The following MED4 variants were observed in gnomAD, a reference collection of about 807,000 sequenced individuals.
The protein encoded by MED4 is mediator of RNA polymerase II transcription subunit 4.
A neutral mutation model predicts 35.0 loss-of-function variants in MED4; 21 were observed. That is an observed-to-expected ratio of 0.60 (90% CI 0.43 to 0.86). The LOEUF is 0.86. Among genes scored for constraint, MED4 ranks in the 40% least tolerant of loss-of-function variants. MED4 has a pLI of 0.00. For synonymous variants in MED4, 138 were observed against 114.0 expected (o/e 1.21, Z -1.34); for missense variants, 300 against 319.4 (o/e 0.94, Z 0.46).
intron 6 of MED4, among the ~76,000 whole-genome samples, chr13:48,078,657 G>A (rs560663415): frequency 3.9e-5 from 6 of 152,204 alleles, no homozygotes; most frequent in East Asian, 1.9e-4. Context: ...TGAGAGTATC[G>A]GCCTTGGGAT....
intron 5 of MED4, among the ~76,000 whole-genome samples, chr13:48,080,579 T>C (rs1222174551): frequency 6.6e-6 from 1 of 152,024 alleles, no homozygotes; most frequent in Non-Finnish European, 1.5e-5. Context: ...ACATTCCAGA[T>C]GACAACTTAA....
rs1481475473 is a variant in MED4, at chr13:48,086,402, T to C, written c.243A>G (p.Lys81=). ...GAATTTTTCCCTGATTAAGTGCCAA[T>C]TTCATTAGTTCTTGAAATTCCCCAT... is the stretch of plus-strand genomic sequence containing the variant. ...HRDGEFQELM[K]LALNQGKIHH... is the part of the protein sequence containing the mutation. Residue 81 remains lysine, a synonymous_variant, in exon 3 of 7, where the codon AAA becomes AAG. Transcript: ENST00000258648. 6 of 1,613,806 alleles carry C rather than the reference T, an allele frequency of 3.7e-6. No homozygotes were observed. The highest frequency in any genetic ancestry group is 5.1e-6 in the Non-Finnish European group (6 of 1,179,898).
In MED4 at chr13:48,081,831, T is replaced by C. The variant is rs1463714324; in HGVS notation, c.422-100A>G. The C allele has an allele frequency of 2.2e-5, 14 of 625,486 alleles. No individual in the cohort carries two copies. The East Asian group carries it at 4.7e-4, about 21-fold the overall frequency. 38.7% of individuals were successfully genotyped at this position (625,486 alleles called of 1,614,324 possible). A position where few individuals can be genotyped will look rare whatever the true frequency, so the allele number is the denominator to read the frequency against. On this transcript the variant is annotated intron_variant, in intron 4 of 6. Coordinates refer to ENST00000258648, the MANE Select transcript of MED4 (RefSeq NM_014166.4). ...ACACATCGTATTTAATTTTAAATTA[T>C]CTGAAAATAAAATAATCTCAGTCAC...
At chr13:48,078,022 T>C (rs914413582) in intron 6 of MED4, among the ~76,000 whole-genome samples, 1 of 152,186 alleles carries the variant, frequency 6.6e-6, no homozygotes, top group South Asian at 2.1e-4. Flanking sequence ...GATTTCTTGA[T>C]AGAGGAACTG....
At chr13:48,082,744 G>A (rs925266135) in intron 4 of MED4, among the ~76,000 whole-genome samples, 7 of 149,622 alleles carry the variant, frequency 4.7e-5, no homozygotes, top group Admixed American at 6.6e-5. Context: ...GGAGAGTGGC[G>A]TGAACCCGGG....
At chr13:48,090,973 AGAGTT>A (rs962761800) in intron 1 of MED4, among the ~76,000 whole-genome samples, 2 of 152,222 alleles carry the variant, frequency 1.3e-5, no homozygotes, top group African/African-American at 4.8e-5. Context: ...ATACAGAGGC[AGAGTT>A]GAGTTGTTAC....
intron 3 of MED4, among the ~76,000 whole-genome samples, chr13:48,085,170 ATT>A (rs56225303): frequency 0.028 from 3,919 of 138,890 alleles, 92 homozygotes; most frequent in East Asian, 0.078. Flanking sequence ...TGCCCAGCTA[ATT>A]TTTTTTTTTT....
intron 3 of MED4, among the ~76,000 whole-genome samples, chr13:48,084,770 G>T (rs1317214763): frequency 2.6e-5 from 4 of 151,718 alleles, no homozygotes; most frequent in Non-Finnish European, 5.9e-5. Flanking sequence ...CCATTTTTCT[G>T]TATTTTCTGA....
intron 1 of MED4, 80 bp from the exon 2 acceptor site, chr13:48,090,498 T>A: frequency 8.9e-7 from 1 of 1,119,010 alleles, no homozygotes; most frequent in Non-Finnish European, 1.3e-6. Flanking sequence ...CAGTCCGCTA[T>A]TGACTGTGAA....
In MED4 at chr13:48,086,381, T is replaced by C; in HGVS notation, c.264A>G (p.Lys88=). Residue 88 remains lysine (K), a synonymous_variant, in exon 3 of 7, where the codon AAA becomes AAG. Coordinates refer to ENST00000258648, the MANE Select transcript of MED4 (RefSeq NM_014166.4). ...ELMKLALNQG[K]IHHEMQVLEK... is the part of the protein sequence containing the mutation. The stretch of plus-strand genomic sequence containing the variant: ...CTAAAACTTGCATTTCATGATGAAT[T>C]TTTCCCTGATTAAGTGCCAATTTCA... The C allele has an allele frequency of 1.9e-6, 3 of 1,613,798 alleles. No homozygotes were observed. The highest frequency in any genetic ancestry group is 4.5e-5 in the East Asian group (2 of 44,802).
intron 6 of MED4, among the ~76,000 whole-genome samples, chr13:48,079,304 T>C (rs1394203406): frequency 2.0e-5 from 3 of 152,198 alleles, no homozygotes; most frequent in Non-Finnish European, 4.4e-5. Flanking sequence ...AGAGCAATAA[T>C]TTAAAAAGAG....
chr13:48,079,813 T>C, intron 6 of MED4, 31 bp downstream of exon 6: 1 of 1,607,472 alleles, frequency 6.2e-7, no homozygotes, highest in Non-Finnish European at 8.5e-7. Context: ...AACCCTGATC[T>C]GTTTGAAAAC....
rs1322170974 is a variant in MED4, at chr13:48,077,011, T to G, written c.*128A>C. ...TCAAAAAATTTTGACTTTTAATGAC[T>G]GCACAATTCTACCAAAGCCAGTGTT... is the stretch of plus-strand genomic sequence containing the variant. On this transcript the variant is annotated 3_prime_UTR_variant, in exon 7 of 7. Transcript: ENST00000258648. The G allele has an allele frequency of 1.2e-6, 1 of 830,670 alleles. No homozygotes were observed. The highest frequency in any genetic ancestry group is 1.8e-5 in the African/African-American group (1 of 55,272). The allele number at this position is 830,670 out of a possible 1,614,324, so 51.5% of individuals were successfully genotyped here.
intron 3 of MED4, 47 bp downstream of exon 3, chr13:48,086,235 T>C: frequency 6.4e-7 from 1 of 1,560,646 alleles, no homozygotes; most frequent in Non-Finnish European, 8.8e-7. Flanking sequence ...AGAAACAGAT[T>C]AAACAACATC....
intron 1 of MED4, among the ~76,000 whole-genome samples, chr13:48,094,323 CTT>C (rs1950910389): frequency 1.3e-5 from 2 of 152,168 alleles, no homozygotes; most frequent in Admixed American, 1.3e-4. Flanking sequence ...ACTTGAAAGA[CTT>C]ATCATGAAAG....
At position 48,076,633 on chromosome 13, in the gene MED4, G is replaced by A. The variant is rs1255969269; in HGVS notation, c.*506C>T. 1 of 152,064 alleles carries A rather than the reference G, an allele frequency of 6.6e-6. No homozygotes were observed. Among genetic ancestry groups the A allele is most frequent in the African/African-American group, 2.4e-5 (1 of 41,390 alleles). The allele number at this position is 152,064 out of a possible 1,614,324, so 9.4% of individuals were successfully genotyped here. A position where few individuals can be genotyped will look rare whatever the true frequency, so the allele number is the denominator to read the frequency against. Reference sequence around the variant, plus strand: ...ATTACAATTACAAACTGTACAAATTGAGACAATTTCCCATGCCTCCAACAG... The same window carrying A: ...ATTACAATTACAAACTGTACAAATTAAGACAATTTCCCATGCCTCCAACAG... On this transcript the variant is annotated 3_prime_UTR_variant, in exon 7 of 7. Coordinates refer to ENST00000258648, the MANE Select transcript of MED4 (RefSeq NM_014166.4).
intron 6 of MED4, among the ~76,000 whole-genome samples, chr13:48,079,124 G>T (rs1331243583): frequency 6.6e-6 from 1 of 152,106 alleles, no homozygotes; most frequent in Non-Finnish European, 1.5e-5. Flanking sequence ...AGCTCAGAAT[G>T]AACTGGGTCT....
At chr13:48,085,041 T>C (rs928220572) in intron 3 of MED4, among the ~76,000 whole-genome samples, 5 of 151,796 alleles carry the variant, frequency 3.3e-5, no homozygotes, top group African/African-American at 1.2e-4. Context: ...TAAATTTTTT[T>C]GTATTTTTAG....
Position 48,077,074 on chromosome 13 carries a change from C to A in MED4, c.*65G>T. ...TTTTGTCACCTGTAGTTTACATTTC[C>A]CTGCTACTGTTAAAGAAACAGAATT... On this transcript the variant is annotated 3_prime_UTR_variant, in exon 7 of 7. Transcript: ENST00000258648. 1.4e-6 allele frequency: 2 copies of A among 1,387,670 alleles called. No homozygotes were observed. The highest frequency in any genetic ancestry group is 1.9e-6 in the Non-Finnish European group (2 of 1,030,426). The allele number at this position is 1,387,670 out of a possible 1,614,324, so 86.0% of individuals were successfully genotyped here. A position where few individuals can be genotyped will look rare whatever the true frequency, so the allele number is the denominator to read the frequency against.
Sources: allele counts gnomAD v4.1 joint callset (sites outside exome capture counted in the v4.1 genomes callset), GRCh38; gene constraint gnomAD v4.1.1; transcripts MANE v1.5; gene names NCBI Gene and HGNC (gene_info 2026-07-23, HGNC 2026-07-21).